KAZN: variants seen among roughly 807,000 people sequenced by gnomAD.
KAZN encodes kazrin.
A neutral mutation model predicts 87.4 loss-of-function variants in KAZN; 40 were observed. The ratio of observed to expected loss-of-function variants is 0.46; its 90% CI spans 0.36 to 0.60. The LOEUF (loss-of-function observed/expected upper bound fraction) is 0.60. Among genes scored for constraint, KAZN ranks in the 20% least tolerant of loss-of-function variants. KAZN has a pLI of 0.00. For synonymous variants in KAZN, 466 were observed against 458.3 expected (o/e 1.02, Z -0.22); for missense variants, 898 against 1,073.9 (o/e 0.84, Z 2.29).
chr1:14,460,275 TG>T (rs1039888998), intron 2 of KAZN, among the ~76,000 whole-genome samples: 5 of 152,214 alleles, frequency 3.3e-5, no homozygotes, highest in African/African-American at 4.8e-5. Context: ...ATGTCGGGCT[TG>T]GGCATCCCCA....
chr1:14,220,195 G>A (rs538020781), intron 2 of KAZN, among the ~76,000 whole-genome samples: 8 of 152,104 alleles, frequency 5.3e-5, no homozygotes, highest in Admixed American at 2.0e-4. Flanking sequence ...AAGTATCTAC[G>A]ACACTCTTGC....
chr1:14,356,569 T>A (rs888367415), intron 2 of KAZN, among the ~76,000 whole-genome samples: 1 of 152,246 alleles, frequency 6.6e-6, no homozygotes, highest in Non-Finnish European at 1.5e-5. Context: ...GTCTGACATT[T>A]AAGTCTTTAA....
At chr1:14,433,157 C>T (rs937184903) in intron 2 of KAZN, among the ~76,000 whole-genome samples, 1 of 152,020 alleles carries the variant, frequency 6.6e-6, no homozygotes, top group African/African-American at 2.4e-5. Flanking sequence ...CCATGAGATA[C>T]GAACATGCAG....
At chr1:13,973,824 G>T (rs977742593) in intron 1 of KAZN, among the ~76,000 whole-genome samples, 6 of 152,188 alleles carry the variant, frequency 3.9e-5, no homozygotes, top group Non-Finnish European at 7.3e-5. Flanking sequence ...CTGGGTCTCA[G>T]CTCAAATACC....
At chr1:14,892,790 C>A (rs1057345878) in intron 1 of KAZN, among the ~76,000 whole-genome samples, 1 of 152,116 alleles carries the variant, frequency 6.6e-6, no homozygotes, top group African/African-American at 2.4e-5. Flanking sequence ...CTCCGGTGGC[C>A]TGGGCCCAGG....
chr1:14,994,314 C>T (rs1323746765), intron 2 of KAZN, among the ~76,000 whole-genome samples: 3 of 152,264 alleles, frequency 2.0e-5, no homozygotes, highest in African/African-American at 7.2e-5. Flanking sequence ...GAGGTTCCCA[C>T]ACATGACATT....
At chr1:14,883,310 A>AGAGAGAGAG (rs1653552012) in intron 1 of KAZN, among the ~76,000 whole-genome samples, 4 of 49,386 alleles carry the variant, frequency 8.1e-5, no homozygotes, top group Non-Finnish European at 1.3e-4. Context: ...GAAAGAAAGA[A>AGAGAGAGAG]AGAAAGAAAG....
intron 1 of KAZN, among the ~76,000 whole-genome samples, chr1:14,103,925 T>C (rs367816458): frequency 6.6e-6 from 1 of 152,170 alleles, no homozygotes; most frequent in Non-Finnish European, 1.5e-5. Flanking sequence ...AATTTCTCTG[T>C]GTTAAACTCT....
At chr1:14,938,253 C>T (rs1375785387) in intron 1 of KAZN, among the ~76,000 whole-genome samples, 1 of 152,074 alleles carries the variant, frequency 6.6e-6, no homozygotes, top group Non-Finnish European at 1.5e-5. Flanking sequence ...TGTATTGGTT[C>T]AAAATGGGCC....
intron 2 of KAZN, among the ~76,000 whole-genome samples, chr1:14,977,716 C>T (rs1665793131): frequency 6.6e-6 from 1 of 152,160 alleles, no homozygotes; most frequent in African/African-American, 2.4e-5. Flanking sequence ...CTGGGACAGC[C>T]CTGGGTGGCG....
At chr1:14,286,610 C>T (rs1020553611) in intron 2 of KAZN, among the ~76,000 whole-genome samples, 1 of 152,196 alleles carries the variant, frequency 6.6e-6, no homozygotes, top group African/African-American at 2.4e-5. Flanking sequence ...ACTGTTAATA[C>T]CATTAATTCA....
chr1:14,406,524 C>A (rs1480263385), intron 2 of KAZN, among the ~76,000 whole-genome samples: 2 of 151,942 alleles, frequency 1.3e-5, no homozygotes, highest in Non-Finnish European at 2.9e-5. Context: ...ACACAATGGA[C>A]TTTGGGAACT....
At chr1:14,888,518 C>T (rs554532070) in intron 1 of KAZN, among the ~76,000 whole-genome samples, 1 of 152,324 alleles carries the variant, frequency 6.6e-6, no homozygotes, top group Non-Finnish European at 1.5e-5. Context: ...AAGGGGGCCA[C>T]TTCGACCAGA....
intron 1 of KAZN, among the ~76,000 whole-genome samples, chr1:13,982,072 T>C (rs1638746483): frequency 6.6e-6 from 1 of 152,168 alleles, no homozygotes; most frequent in African/African-American, 2.4e-5. Flanking sequence ...TATTAGTACC[T>C]GATTTATTTC....
Position 14,996,052 on chromosome 1 carries a change from C to T in KAZN, c.418+35177C>T, listed in dbSNP as rs1214029650. Among the ~76,000 whole-genome samples, 1 of 152,162 alleles carries T rather than the reference C, an allele frequency of 6.6e-6. No individual in the cohort carries two copies. Among genetic ancestry groups the T allele is most frequent in the Non-Finnish European group, 1.5e-5 (1 of 68,036 alleles). On this transcript the variant is annotated intron_variant, in intron 2 of 14. Transcript: ENST00000376030. This position sits in a 1 kb window ranked among gnomAD's most constrained non-coding sequence, Gnocchi z 5.9. Reference sequence around the variant, plus strand: ...AATGCCATCCTCAGCCCGCGGCCCTCTGTAGCCCCCAGCCCCTTCTGCCTC... The same window carrying T: ...AATGCCATCCTCAGCCCGCGGCCCTTTGTAGCCCCCAGCCCCTTCTGCCTC...
At chr1:14,765,080 G>A (rs1017363562) in intron 1 of KAZN, among the ~76,000 whole-genome samples, 11 of 152,166 alleles carry the variant, frequency 7.2e-5, no homozygotes, top group Non-Finnish European at 1.0e-4. Context: ...CCACGATGCC[G>A]GGCTCATCAG....
chr1:13,902,579 A>T (rs1639289254), intron 1 of KAZN, among the ~76,000 whole-genome samples: 1 of 152,204 alleles, frequency 6.6e-6, no homozygotes, highest in Non-Finnish European at 1.5e-5. Flanking sequence ...AAAGAGGCTG[A>T]TGAATGGGTG....
chr1:14,204,139 G>T (rs575997712), intron 2 of KAZN, among the ~76,000 whole-genome samples: 1 of 152,330 alleles, frequency 6.6e-6, no homozygotes, highest in South Asian at 2.1e-4. Flanking sequence ...TGGTTGACCC[G>T]TTCTTTGAAA....
At chr1:14,067,541 C>T (rs992407611) in intron 1 of KAZN, among the ~76,000 whole-genome samples, 20 of 152,088 alleles carry the variant, frequency 1.3e-4, no homozygotes, top group Non-Finnish European at 2.9e-5. Flanking sequence ...TGGGCATGGG[C>T]TTATTTATGT....
Sources: allele counts gnomAD v4.1 joint callset (sites outside exome capture counted in the v4.1 genomes callset), GRCh38; gene constraint gnomAD v4.1.1; non-coding constraint Gnocchi (gnomAD v3.1); transcripts MANE v1.5; gene names NCBI Gene and HGNC (gene_info 2026-07-23, HGNC 2026-07-21).